The following KAT6B variants were observed in gnomAD, a reference collection of about 807,000 sequenced individuals.
KAT6B encodes the protein histone acetyltransferase KAT6B.
In KAT6B, 10 loss-of-function variants were observed where a neutral mutation model predicts 187.5. The ratio of observed to expected loss-of-function variants is 0.05; its 90% confidence interval spans 0.03 to 0.09. The LOEUF (loss-of-function observed/expected upper bound fraction) is 0.09, where lower values mean the gene tolerates loss of function less well. KAT6B is among the 10% of genes least tolerant of loss of function. The probability of loss-of-function intolerance (pLI) is 1.00; values close to 1 mark genes in which losing one functional copy is unlikely to be tolerated. For synonymous variants in KAT6B, 861 were observed against 926.8 expected (o/e 0.93, Z 1.29); for missense variants, 1,952 against 2,558.9 (o/e 0.76, Z 5.12).
Position 75,024,975 on chromosome 10 carries a change from G to T in KAT6B, c.3390G>T (p.Lys1130Asn), listed in dbSNP as rs763604517. ...AATTTCAGAGGCCTTTTGTACTAAAGAAGAAAAGGGGTCGTAAACGCAGGA... is the reference window on the plus strand; with the variant it reads ...AATTTCAGAGGCCTTTTGTACTAAATAAGAAAAGGGGTCGTAAACGCAGGA... Reference protein sequence around the residue: ...AIKRKRPFVLKKKRGRKRRRI... With the variant: ...AIKRKRPFVLNKKRGRKRRRI... The change falls in exon 17 of 18, where the codon AAG (lysine) becomes AAT (asparagine). Residue 1130 changes from lysine to asparagine, a missense_variant. Coordinates refer to ENST00000287239, the MANE Select transcript of KAT6B (RefSeq NM_012330.4). 1.2e-6 allele frequency: 2 copies of T among 1,614,146 alleles called. No homozygotes were observed. Among genetic ancestry groups the T allele is most frequent in the Admixed American group, 3.3e-5 (2 of 60,030 alleles).
At chr10:74,847,676 T>A (rs1001745372) in intron 3 of KAT6B, among the ~76,000 whole-genome samples, 40 of 150,464 alleles carry the variant, frequency 2.7e-4, no homozygotes, top group South Asian at 1.7e-3. Flanking sequence ...AAAAAAAAAA[T>A]AAATAAATAA....
chr10:74,904,969 A>T (rs1282078442), intron 3 of KAT6B, among the ~76,000 whole-genome samples: 1 of 152,170 alleles, frequency 6.6e-6, no homozygotes, highest in South Asian at 2.1e-4. Context: ...ACGTAACTTA[A>T]AATTACACTT....
chr10:74,915,032 C>T (rs1258420790), intron 3 of KAT6B, among the ~76,000 whole-genome samples: 3 of 152,036 alleles, frequency 2.0e-5, no homozygotes, highest in Admixed American at 1.3e-4. Flanking sequence ...CTCAGGGATT[C>T]AAGGTTGTAG....
intron 3 of KAT6B, among the ~76,000 whole-genome samples, chr10:74,867,738 A>T (rs1238065571): frequency 2.0e-5 from 3 of 152,182 alleles, no homozygotes; most frequent in Non-Finnish European, 4.4e-5. Context: ...TTTGTCATTC[A>T]TTGAATTCTG....
chr10:74,987,333 C>T (rs1362380301), intron 12 of KAT6B, among the ~76,000 whole-genome samples: 3 of 151,660 alleles, frequency 2.0e-5, no homozygotes, highest in South Asian at 2.1e-4. Context: ...CTCTGGAGGC[C>T]GAGACAGGAG....
chr10:75,012,439 C>G (rs749249514), intron 13 of KAT6B, among the ~76,000 whole-genome samples: 2 of 151,992 alleles, frequency 1.3e-5, no homozygotes, highest in African/African-American at 4.8e-5. Flanking sequence ...AGAGTGAGAC[C>G]GTGTCCAAAA....
intron 13 of KAT6B, among the ~76,000 whole-genome samples, chr10:74,997,257 G>A (rs929055154): frequency 2.5e-5 from 3 of 120,076 alleles, no homozygotes; most frequent in African/African-American, 9.9e-5. Flanking sequence ...TCCTTCTCTC[G>A]TCTCTCAATA....
chr10:74,968,708 T>TA (rs1156827610), intron 4 of KAT6B, among the ~76,000 whole-genome samples: 1 of 152,154 alleles, frequency 6.6e-6, no homozygotes, highest in Non-Finnish European at 1.5e-5. Flanking sequence ...AGACCAGGTT[T>TA]AAAAAAATAA....
At chr10:74,875,587 A>T (rs1844355376) in intron 3 of KAT6B, among the ~76,000 whole-genome samples, 2 of 148,608 alleles carry the variant, frequency 1.3e-5, no homozygotes, top group South Asian at 2.1e-4. Context: ...TGCCTCAGCC[A>T]CCCAAGTAGC....
chr10:74,964,406 G>T (rs766584491), intron 4 of KAT6B, among the ~76,000 whole-genome samples: 4 of 152,070 alleles, frequency 2.6e-5, no homozygotes, highest in Non-Finnish European at 5.9e-5. Flanking sequence ...TTCTTGAAGT[G>T]TTCTTTTCCT....
At chr10:74,945,583 T>G (rs1199140066) in intron 3 of KAT6B, among the ~76,000 whole-genome samples, 1 of 152,042 alleles carries the variant, frequency 6.6e-6, no homozygotes, top group Non-Finnish European at 1.5e-5. Context: ...CTGCCTCACC[T>G]GAGTGAGGGA....
intron 3 of KAT6B, among the ~76,000 whole-genome samples, chr10:74,879,715 C>T (rs1201639299): frequency 6.6e-6 from 1 of 152,140 alleles, no homozygotes; most frequent in East Asian, 1.9e-4. Context: ...CAGACAGTGT[C>T]GTTTTTGTTT....
intron 3 of KAT6B, among the ~76,000 whole-genome samples, chr10:74,872,257 A>G (rs1006867962): frequency 6.6e-6 from 1 of 152,202 alleles, no homozygotes; most frequent in Non-Finnish European, 1.5e-5. Context: ...TTCTAGGCAC[A>G]TGGGCTCCCA....
intron 11 of KAT6B, chr10:74,984,412 C>T (rs1457827540): frequency 6.6e-6 from 1 of 152,222 alleles, no homozygotes; most frequent in Non-Finnish European, 1.5e-5. Flanking sequence ...TGCCTAGCCT[C>T]CTGTCTATAG....
intron 13 of KAT6B, among the ~76,000 whole-genome samples, chr10:75,004,555 C>A (rs1303954811): frequency 6.6e-6 from 1 of 152,144 alleles, no homozygotes; most frequent in Non-Finnish European, 1.5e-5. Flanking sequence ...TTAGTCCTTG[C>A]CCATAGGGAA....
At chr10:74,855,684 A>G (rs1177212008) in intron 3 of KAT6B, among the ~76,000 whole-genome samples, 1 of 152,208 alleles carries the variant, frequency 6.6e-6, no homozygotes, top group Non-Finnish European at 1.5e-5. Context: ...TGGGAAAGGC[A>G]GGCATGGAGG....
intron 3 of KAT6B, among the ~76,000 whole-genome samples, chr10:74,890,552 A>G (rs867410669): frequency 1.3e-5 from 2 of 152,188 alleles, no homozygotes; most frequent in South Asian, 4.1e-4. Flanking sequence ...AAAACAAACA[A>G]ACAAACAAAC....
Position 75,030,635 on chromosome 10 carries a change from C to G in KAT6B, c.5811C>G (p.Ala1937=), listed in dbSNP as rs1413881335. The change falls in exon 18 of 18, where the codon GCC becomes GCG. Residue 1937 remains alanine, a synonymous_variant. Coordinates refer to ENST00000287239, the MANE Select transcript of KAT6B (RefSeq NM_012330.4). This position sits in a 1 kb window ranked among gnomAD's most constrained non-coding sequence, Gnocchi z 4.8. ...CAGCGTCTCTGTCACCAGCCGCTGC[C>G]ACCCATCAGTCACAAATCTATGGGC... is the stretch of plus-strand genomic sequence containing the variant. The part of the protein sequence containing the change: ...TKSASLSPAA[A]THQSQIYGRS... 4 of 1,613,802 alleles carry G rather than the reference C, an allele frequency of 2.5e-6. No homozygotes were observed. The highest frequency in any genetic ancestry group is 3.4e-6 in the Non-Finnish European group (4 of 1,179,630).
In KAT6B at chr10:75,022,017, C is replaced by CAGT; in HGVS notation, c.3159_3161dup (p.Val1054dup). On this transcript the variant is annotated inframe_insertion, in exon 16 of 18. Transcript: ENST00000287239. ...TATTTGCATTCCCCGGAGAGCCGGC[C>CAGT]AGTCACAGGGGAGCGAGGGCAGCTG... 1 of 1,614,032 alleles carries CAGT rather than the reference C, an allele frequency of 6.2e-7. No homozygotes were observed. Among genetic ancestry groups the CAGT allele is most frequent in the East Asian group, 2.2e-5 (1 of 44,886 alleles).
Sources: allele counts gnomAD v4.1 joint callset (sites outside exome capture counted in the v4.1 genomes callset), GRCh38; gene constraint gnomAD v4.1.1; non-coding constraint Gnocchi (gnomAD v3.1); transcripts MANE v1.5; gene names NCBI Gene and HGNC (gene_info 2026-07-23, HGNC 2026-07-21).